Variants in TMC1 observed in about 807,000 individuals in gnomAD.
TMC1 encodes transmembrane channel like 1, also known as transmembrane channel-like protein 1.
Under a neutral mutation model 105.8 loss-of-function variants are expected in TMC1, and 84 were observed. The observed-to-expected ratio is 0.79, with a 90% CI of 0.67 to 0.95. The LOEUF is 0.95. TMC1 is among the 40% of genes least tolerant of loss of function. The pLI, the probability that TMC1 is intolerant of heterozygous loss-of-function variation, is 0.00. For missense variants in TMC1, 817 were observed against 914.1 expected (o/e 0.89, Z 1.37); for synonymous variants, 315 against 311.5 (o/e 1.01, Z -0.12).
At chr9:72,781,349 C>G (rs992567389) in intron 13 of TMC1, among the ~76,000 whole-genome samples, 5 of 152,004 alleles carry the variant, frequency 3.3e-5, no homozygotes, top group Non-Finnish European at 5.9e-5. Context: ...CACTAAACAC[C>G]CACATCAAAA....
At chr9:72,778,226 G>A (rs1828035610) in intron 13 of TMC1, among the ~76,000 whole-genome samples, 2 of 152,156 alleles carry the variant, frequency 1.3e-5, no homozygotes, top group Non-Finnish European at 2.9e-5. Context: ...GATGCAGCCA[G>A]GAAGAGCTTC....
At chr9:72,763,721 C>T (rs1827789881) in intron 12 of TMC1, among the ~76,000 whole-genome samples, 1 of 151,700 alleles carries the variant, frequency 6.6e-6, no homozygotes, top group South Asian at 2.1e-4. Context: ...GAACACAAGG[C>T]ATTGGAGAGA....
chr9:72,782,726 C>A (rs1828112432), intron 13 of TMC1, among the ~76,000 whole-genome samples: 1 of 152,060 alleles, frequency 6.6e-6, no homozygotes, highest in Non-Finnish European at 1.5e-5. Flanking sequence ...AGGAATATAG[C>A]TAACCAGGGA....
At chr9:72,625,939 G>GA (rs1404399948) in intron 3 of TMC1, among the ~76,000 whole-genome samples, 15 of 152,298 alleles carry the variant, frequency 9.8e-5, no homozygotes, top group Admixed American at 2.6e-4. Context: ...GCTTAGCTGT[G>GA]AATGTCAGAT....
intron 10 of TMC1, among the ~76,000 whole-genome samples, chr9:72,750,600 G>T (rs920960421): frequency 4.0e-5 from 6 of 151,822 alleles, no homozygotes; most frequent in Non-Finnish European, 7.4e-5. Context: ...TTTCACTTCT[G>T]GGGGCAGGGG....
intron 5 of TMC1, among the ~76,000 whole-genome samples, chr9:72,685,124 T>TTTTTTTTTAA (rs1826356323): frequency 8.9e-6 from 1 of 112,206 alleles, no homozygotes; most frequent in African/African-American, 3.5e-5. Context: ...TTTTTTTTTT[T>TTTTTTTTTAA]GAGACGGAGT....
intron 13 of TMC1, among the ~76,000 whole-genome samples, chr9:72,778,373 G>C (rs1463401785): frequency 1.3e-5 from 2 of 152,114 alleles, no homozygotes; most frequent in Admixed American, 1.3e-4. Flanking sequence ...CTATGCTCAG[G>C]AATGAGTTCT....
chr9:72,667,621 G>T (rs1428382344), intron 5 of TMC1, among the ~76,000 whole-genome samples: 1 of 152,162 alleles, frequency 6.6e-6, no homozygotes, highest in Non-Finnish European at 1.5e-5. Flanking sequence ...GCTTAAAATT[G>T]AGATAATAAC....
intron 1 of TMC1, among the ~76,000 whole-genome samples, chr9:72,546,878 TCTTAAA>T (rs1823777019): frequency 1.3e-5 from 2 of 152,234 alleles, no homozygotes; most frequent in Admixed American, 1.3e-4. Context: ...GGTACTCATT[TCTTAAA>T]CTTTACTGTG....
chr9:72,740,234 T>C (rs749478910), intron 9 of TMC1, 25 bp downstream of exon 9: 1 of 1,597,702 alleles, frequency 6.3e-7, no homozygotes, highest in African/African-American at 1.3e-5. Context: ...AGTTGTCTGG[T>C]TTATGGCATA....
At chr9:72,769,539 G>A (rs1402465463) in intron 12 of TMC1, among the ~76,000 whole-genome samples, 1 of 152,160 alleles carries the variant, frequency 6.6e-6, no homozygotes, top group African/African-American at 2.4e-5. Context: ...TGTCAAATCA[G>A]TCACTTTTCC....
intron 1 of TMC1, among the ~76,000 whole-genome samples, chr9:72,546,094 C>T (rs188093769): frequency 5.7e-4 from 86 of 151,156 alleles, no homozygotes; most frequent in African/African-American, 2.0e-3. Flanking sequence ...ACCAGCATGG[C>T]CAACATGGTG....
intron 5 of TMC1, among the ~76,000 whole-genome samples, chr9:72,685,699 C>T (rs569775323): frequency 3.9e-5 from 6 of 152,270 alleles, no homozygotes; most frequent in South Asian, 2.1e-4. Context: ...TAGTAAGACT[C>T]ATTAAAGGCA....
chr9:72,526,045 C>T (rs1224246585), intron 1 of TMC1, among the ~76,000 whole-genome samples: 1 of 151,826 alleles, frequency 6.6e-6, no homozygotes, highest in Non-Finnish European at 1.5e-5. Flanking sequence ...CACAGAGTGT[C>T]ATTCGCTAAT....
At chr9:72,705,976 A>C (rs1486960044) in intron 8 of TMC1, among the ~76,000 whole-genome samples, 1 of 152,228 alleles carries the variant, frequency 6.6e-6, no homozygotes, top group Non-Finnish European at 1.5e-5. Context: ...ACACTTAAAC[A>C]GGTGCTTCAA....
intron 2 of TMC1, among the ~76,000 whole-genome samples, chr9:72,598,112 A>G (rs1010685147): frequency 3.3e-5 from 5 of 152,174 alleles, no homozygotes; most frequent in South Asian, 2.1e-4. Context: ...ACAAAAGACA[A>G]TCTTCAGCCA....
chr9:72,745,997 T>A (rs1827482851), intron 10 of TMC1, among the ~76,000 whole-genome samples: 1 of 152,228 alleles, frequency 6.6e-6, no homozygotes, highest in African/African-American at 2.4e-5. Context: ...TTAATCATAC[T>A]TTTGATTGAT....
At chr9:72,562,006 T>C (rs1010126156) in intron 1 of TMC1, among the ~76,000 whole-genome samples, 3 of 105,172 alleles carry the variant, frequency 2.9e-5, no homozygotes, top group Admixed American at 9.1e-5. Flanking sequence ...AGATCCTATC[T>C]CTAAAAAAAA....
intron 1 of TMC1, among the ~76,000 whole-genome samples, chr9:72,552,367 C>G (rs1211690579): frequency 6.6e-6 from 1 of 152,142 alleles, no homozygotes; most frequent in African/African-American, 2.4e-5. Context: ...GAATCCCCCC[C>G]AGAAGAGACT....
Sources: allele counts gnomAD v4.1 joint callset (sites outside exome capture counted in the v4.1 genomes callset), GRCh38; gene constraint gnomAD v4.1.1; transcripts MANE v1.5; gene names NCBI Gene and HGNC (gene_info 2026-07-23, HGNC 2026-07-21).